GPC5: variants seen among roughly 807,000 people sequenced by gnomAD.
GPC5 encodes glypican 5.
In GPC5, 47 loss-of-function variants were observed where a neutral mutation model predicts 53.9. The observed-to-expected ratio is 0.87, with a 90% CI of 0.69 to 1.11. The LOEUF (loss-of-function observed/expected upper bound fraction) is 1.11, where lower values mean the gene tolerates loss of function less well. GPC5 is among the 50% of genes most tolerant of loss of function. The pLI, the probability that GPC5 is intolerant of heterozygous loss-of-function variation, is 0.00. For missense variants in GPC5, 748 were observed against 713.1 expected (o/e 1.05, Z -0.56); for synonymous variants, 286 against 263.3 (o/e 1.09, Z -0.84).
intron 2 of GPC5, among the ~76,000 whole-genome samples, chr13:91,600,255 A>G (rs184223396): frequency 2.0e-5 from 3 of 152,194 alleles, no homozygotes; most frequent in African/African-American, 7.2e-5. Flanking sequence ...TACTTGATCT[A>G]GCAAAAATCT....
intron 3 of GPC5, among the ~76,000 whole-genome samples, chr13:91,704,761 G>A (rs1052615472): frequency 1.3e-5 from 2 of 152,218 alleles, no homozygotes; most frequent in Admixed American, 1.3e-4. Flanking sequence ...AGCTCTGTAG[G>A]CCAGAGTGGA....
At chr13:91,625,715 G>A (rs1034200092) in intron 2 of GPC5, among the ~76,000 whole-genome samples, 13 of 151,998 alleles carry the variant, frequency 8.6e-5, no homozygotes, top group Admixed American at 6.6e-4. Context: ...TCAGAACTAC[G>A]TCTTTAACCA....
At chr13:91,660,974 C>G (rs1161121925) in intron 2 of GPC5, among the ~76,000 whole-genome samples, 2 of 152,120 alleles carry the variant, frequency 1.3e-5, no homozygotes, top group African/African-American at 4.8e-5. Flanking sequence ...CAATTACTTG[C>G]TCTTGTGGAG....
At chr13:91,695,660 C>A (rs923589365) in intron 3 of GPC5, among the ~76,000 whole-genome samples, 3 of 152,114 alleles carry the variant, frequency 2.0e-5, no homozygotes, top group Non-Finnish European at 2.9e-5. Context: ...TAGGCATGAG[C>A]CACTGAGCCG....
intron 4 of GPC5, among the ~76,000 whole-genome samples, chr13:91,755,972 C>G (rs1028578962): frequency 1.4e-4 from 21 of 151,030 alleles, no homozygotes; most frequent in African/African-American, 4.9e-4. Context: ...CTTTATGCAT[C>G]AGTATATACT....
intron 2 of GPC5, among the ~76,000 whole-genome samples, chr13:91,667,737 T>C (rs2035150224): frequency 1.3e-5 from 2 of 152,200 alleles, no homozygotes; most frequent in African/African-American, 2.4e-5. Flanking sequence ...TGGGAGAGTA[T>C]GCCTGGAACC....
chr13:91,438,453 G>A lies in GPC5; in HGVS notation c.164-10308G>A, dbSNP rs530042745. On this transcript the variant is annotated intron_variant, in intron 1 of 7. Coordinates refer to ENST00000377067, the MANE Select transcript of GPC5 (RefSeq NM_004466.6). ...CCAGACCGTGTTTGCCTGGGTATCA[G>A]CAGCGGAGGCTGCAGAACAGCGGAT... 3.9e-5 allele frequency among the ~76,000 whole-genome samples: 6 copies of A among 152,324 alleles called. No homozygotes were observed. In the East Asian group the frequency reaches 1.2e-3, roughly 29 times the overall value.
intron 6 of GPC5, among the ~76,000 whole-genome samples, chr13:92,129,528 C>T (rs1339523116): frequency 1.3e-5 from 2 of 152,106 alleles, no homozygotes; most frequent in African/African-American, 4.8e-5. Flanking sequence ...GCACAATAAG[C>T]ACAGCTCCAC....
intron 6 of GPC5, among the ~76,000 whole-genome samples, chr13:91,976,430 A>T (rs1485000838): frequency 6.6e-6 from 1 of 152,196 alleles, no homozygotes; most frequent in Non-Finnish European, 1.5e-5. Context: ...GAAGGCTTTA[A>T]TTGGGTGCCA....
intron 5 of GPC5, among the ~76,000 whole-genome samples, chr13:91,837,709 T>A (rs1329025054): frequency 2.0e-5 from 3 of 152,162 alleles, no homozygotes; most frequent in African/African-American, 7.2e-5. Flanking sequence ...TAATAACTTT[T>A]TTGAAGTTAG....
At chr13:92,834,190 C>T (rs930454139) in intron 7 of GPC5, among the ~76,000 whole-genome samples, 3 of 152,122 alleles carry the variant, frequency 2.0e-5, no homozygotes, top group African/African-American at 7.2e-5. Flanking sequence ...ATGAAAAACA[C>T]TTTGTCTATT....
chr13:92,783,366 ATGTT>A (rs761315548), intron 7 of GPC5, among the ~76,000 whole-genome samples: 1 of 152,146 alleles, frequency 6.6e-6, no homozygotes, highest in Admixed American at 6.6e-5. Flanking sequence ...ACTGGATTAA[ATGTT>A]TGATGATATT....
chr13:92,176,561 T>A (rs980878673), intron 7 of GPC5, among the ~76,000 whole-genome samples: 1 of 152,232 alleles, frequency 6.6e-6, no homozygotes, highest in Non-Finnish European at 1.5e-5. Context: ...ATGAAGGGTT[T>A]GACCCAAGGC....
At chr13:92,393,303 A>G (rs1225460723) in intron 7 of GPC5, among the ~76,000 whole-genome samples, 2 of 152,222 alleles carry the variant, frequency 1.3e-5, no homozygotes, top group African/African-American at 4.8e-5. Flanking sequence ...ATACAGGAAC[A>G]GAAAACCAAA....
At chr13:92,100,573 T>A (rs2041458190) in intron 6 of GPC5, among the ~76,000 whole-genome samples, 1 of 152,226 alleles carries the variant, frequency 6.6e-6, no homozygotes, top group South Asian at 2.1e-4. Context: ...ATGTTTATTA[T>A]CCTCTTGTAA....
intron 2 of GPC5, among the ~76,000 whole-genome samples, chr13:91,624,233 A>G (rs1209335682): frequency 6.6e-6 from 1 of 152,156 alleles, no homozygotes. Flanking sequence ...ATCTACCCCT[A>G]TTGTATTCTA....
intron 7 of GPC5, among the ~76,000 whole-genome samples, chr13:92,530,230 G>A (rs936450019): frequency 2.0e-5 from 3 of 152,022 alleles, no homozygotes; most frequent in Non-Finnish European, 2.9e-5. Flanking sequence ...AACACACAAT[G>A]AAATCTTAGG....
intron 6 of GPC5, among the ~76,000 whole-genome samples, chr13:92,105,114 G>A (rs2041498994): frequency 6.6e-6 from 1 of 151,238 alleles, no homozygotes; most frequent in African/African-American, 2.4e-5. Flanking sequence ...TTTCCTGCAA[G>A]GAAAAAAAAT....
intron 7 of GPC5, among the ~76,000 whole-genome samples, chr13:92,248,396 A>G (rs551098353): frequency 6.6e-6 from 1 of 152,214 alleles, no homozygotes; most frequent in East Asian, 1.9e-4. Context: ...CACAGGAGTT[A>G]AAACTTATGG....
Sources: allele counts gnomAD v4.1 joint callset (sites outside exome capture counted in the v4.1 genomes callset), GRCh38; gene constraint gnomAD v4.1.1; transcripts MANE v1.5; gene names NCBI Gene and HGNC (gene_info 2026-07-23, HGNC 2026-07-21).